Variants in KIFAP3 observed in about 807,000 individuals in gnomAD.
The protein encoded by KIFAP3 is kinesin-associated protein 3.
Under a neutral mutation model 106.5 loss-of-function variants are expected in KIFAP3, and 68 were observed. That is an observed-to-expected ratio of 0.64 (90% confidence interval 0.53 to 0.78). The LOEUF (loss-of-function observed/expected upper bound fraction) is 0.78, where lower values mean the gene tolerates loss of function less well. Among genes scored for constraint, KIFAP3 ranks in the 30% least tolerant of loss-of-function variants. The pLI, the probability that KIFAP3 is intolerant of heterozygous loss-of-function variation, is 0.00. For missense variants in KIFAP3, 780 were observed against 941.8 expected (o/e 0.83, Z 2.25); for synonymous variants, 320 against 311.5 (o/e 1.03, Z -0.29).
At chr1:169,950,170 A>G (rs1664655448) in intron 19 of KIFAP3, among the ~76,000 whole-genome samples, 2 of 152,142 alleles carry the variant, frequency 1.3e-5, no homozygotes, top group Middle Eastern at 3.2e-3. Context: ...TAAACAATTA[A>G]AAAAACCCTT....
chr1:170,009,878 CT>C (rs1247874370), intron 10 of KIFAP3, among the ~76,000 whole-genome samples: 1 of 152,036 alleles, frequency 6.6e-6, no homozygotes, highest in Non-Finnish European at 1.5e-5. Flanking sequence ...CCAAAAAAAT[CT>C]TTAAACACTT....
At chr1:169,944,966 T>A (rs1053551132) in intron 19 of KIFAP3, among the ~76,000 whole-genome samples, 13 of 152,060 alleles carry the variant, frequency 8.5e-5, no homozygotes, top group African/African-American at 3.1e-4. Context: ...CCATCCCTGG[T>A]TAGAAGGTGG....
At chr1:170,035,413 G>T in intron 6 of KIFAP3, 41 bp downstream of exon 6, 1 of 1,244,194 alleles carries the variant, frequency 8.0e-7, no homozygotes, top group Non-Finnish European at 1.1e-6. Context: ...AAGAGCAATA[G>T]AGATACAGTA....
intron 3 of KIFAP3, among the ~76,000 whole-genome samples, chr1:170,042,144 A>G (rs1165779848): frequency 6.6e-6 from 1 of 152,214 alleles, no homozygotes; most frequent in East Asian, 1.9e-4. Context: ...TGTTATGCGT[A>G]TATTGTAATT....
chr1:169,944,134 A>G (rs1664293954), intron 19 of KIFAP3, among the ~76,000 whole-genome samples: 1 of 151,552 alleles, frequency 6.6e-6, no homozygotes, highest in African/African-American at 2.4e-5. Context: ...AGCTTGAGCT[A>G]CCAACCTGGA....
At chr1:170,059,328 A>G (rs552391328) in intron 1 of KIFAP3, among the ~76,000 whole-genome samples, 3 of 152,340 alleles carry the variant, frequency 2.0e-5, no homozygotes, top group African/African-American at 4.8e-5. Flanking sequence ...TAAAGGGGAT[A>G]TCACCACTGA....
chr1:169,991,029 AT>A (rs1667072221), intron 11 of KIFAP3, among the ~76,000 whole-genome samples: 1 of 152,156 alleles, frequency 6.6e-6, no homozygotes, highest in Non-Finnish European at 1.5e-5. Flanking sequence ...TAATAAAAAT[AT>A]TAACAAATCA....
At chr1:170,065,247 A>C (rs1211695984) in intron 1 of KIFAP3, among the ~76,000 whole-genome samples, 2 of 152,118 alleles carry the variant, frequency 1.3e-5, no homozygotes, top group African/African-American at 4.8e-5. Context: ...TTAACTTACC[A>C]TGTCCATACT....
At chr1:169,971,415 T>C (rs956903259) in intron 17 of KIFAP3, among the ~76,000 whole-genome samples, 5 of 152,100 alleles carry the variant, frequency 3.3e-5, no homozygotes, top group African/African-American at 1.2e-4. Flanking sequence ...ATCAGTGACC[T>C]ATGTGTGAAA....
intron 5 of KIFAP3, 126 bp from the exon 6 acceptor site, chr1:170,035,679 T>A: frequency 1.8e-6 from 1 of 550,856 alleles, no homozygotes; most frequent in Non-Finnish European, 3.2e-6. Flanking sequence ...AAAAGTAGGA[T>A]GCTTCTTTCC....
intron 19 of KIFAP3, among the ~76,000 whole-genome samples, chr1:169,938,192 T>C (rs1165523077): frequency 6.6e-6 from 1 of 151,924 alleles, no homozygotes; most frequent in Non-Finnish European, 1.5e-5. Context: ...TTTCTCAGTA[T>C]ATTTAATTAG....
At chr1:170,079,554 C>G (rs1275521489), upstream of KIFAP3, among the ~76,000 whole-genome samples, 1 of 152,096 alleles carries the variant, frequency 6.6e-6, no homozygotes, top group African/African-American at 2.4e-5. Flanking sequence ...TAGAAAGTGA[C>G]TTCTTCACCC....
chr1:169,959,019 A>AT (rs1437022843), intron 18 of KIFAP3, among the ~76,000 whole-genome samples: 2 of 152,240 alleles, frequency 1.3e-5, no homozygotes, highest in Non-Finnish European at 2.9e-5. Flanking sequence ...AGCACATGCC[A>AT]TTTCATTTTA....
At chr1:170,023,601 T>C (rs988353874) in intron 9 of KIFAP3, among the ~76,000 whole-genome samples, 6 of 152,068 alleles carry the variant, frequency 3.9e-5, no homozygotes, top group Non-Finnish European at 5.9e-5. Context: ...ATAGATAAAA[T>C]TGTAAACAGC....
chr1:170,007,308 A>G (rs1668014546), intron 10 of KIFAP3, among the ~76,000 whole-genome samples: 2 of 151,704 alleles, frequency 1.3e-5, no homozygotes, highest in South Asian at 2.1e-4. Flanking sequence ...GAAGAGGGAG[A>G]CAGAGAGGGA....
intron 7 of KIFAP3, 147 bp downstream of exon 7, chr1:170,034,225 C>G (rs1333021807): frequency 4.4e-6 from 3 of 684,728 alleles, no homozygotes; most frequent in Non-Finnish European, 4.9e-6. Flanking sequence ...CAATCTACTT[C>G]TTAACCTTCA....
At chr1:169,936,971 A>ATATATG (rs1421366713) in intron 19 of KIFAP3, among the ~76,000 whole-genome samples, 3 of 148,660 alleles carry the variant, frequency 2.0e-5, no homozygotes, top group Non-Finnish European at 4.5e-5. Context: ...TTATATATAT[A>ATATATG]TATATTACTC....
At chr1:170,058,352 G>A (rs1670957578) in intron 1 of KIFAP3, among the ~76,000 whole-genome samples, 1 of 152,126 alleles carries the variant, frequency 6.6e-6, no homozygotes, top group Non-Finnish European at 1.5e-5. Flanking sequence ...GCAAATAACA[G>A]AGCCGTTTTA....
At chr1:169,989,982 T>C in intron 11 of KIFAP3, 1 of 1,437,720 alleles carries the variant, frequency 7.0e-7, no homozygotes, top group Non-Finnish European at 9.3e-7. Flanking sequence ...TCAAGAGGAA[T>C]TACCTTCATA....
Sources: gnomAD v4.1 joint callset for allele counts (sites outside exome capture counted in the v4.1 genomes callset) on GRCh38, gnomAD v4.1.1 for gene constraint, MANE v1.5 for transcripts, NCBI Gene and HGNC (gene_info 2026-07-23, HGNC 2026-07-21) for gene names.